ARHGAP44: variants seen among roughly 807,000 people sequenced by gnomAD.
ARHGAP44 encodes the protein rho GTPase-activating protein 44.
A neutral mutation model predicts 106.8 loss-of-function variants in ARHGAP44; 43 were observed. The ratio of observed to expected loss-of-function variants is 0.40; its 90% CI spans 0.32 to 0.52. ARHGAP44 has a LOEUF of 0.52. ARHGAP44 is among the 20% of genes least tolerant of loss of function. ARHGAP44 has a pLI of 0.48. For missense variants in ARHGAP44, 866 were observed against 1,050.5 expected (o/e 0.82, Z 2.43); for synonymous variants, 439 against 410.3 (o/e 1.07, Z -0.85).
At position 12,819,521 on chromosome 17, in the gene ARHGAP44, C is replaced by G. The variant is rs150868971; in HGVS notation, c.53+29630C>G. Among the ~76,000 whole-genome samples, 518 of 151,242 alleles carry G rather than the reference C, an allele frequency of 3.4e-3. 1 individual carries two copies. Among genetic ancestry groups the G allele is most frequent in the African/African-American group, 0.012 (482 of 41,232 alleles). ...CAGTTTCCCAAGGTATTTATATCAT[C>G]TGTACTCCCACCAGTTATGTCCAGT... is the stretch of plus-strand genomic sequence containing the variant. On this transcript the variant is annotated intron_variant, in intron 1 of 20. Coordinates refer to ENST00000379672, the MANE Select transcript of ARHGAP44 (RefSeq NM_014859.6).
At chr17:12,798,266 G>GT (rs2033984939) in intron 1 of ARHGAP44, among the ~76,000 whole-genome samples, 2 of 152,050 alleles carry the variant, frequency 1.3e-5, no homozygotes, top group South Asian at 4.1e-4. Context: ...GGGCATTCAT[G>GT]TCTTATTAAC....
At chr17:12,897,180 C>T (rs894855003) in intron 3 of ARHGAP44, among the ~76,000 whole-genome samples, 3 of 152,148 alleles carry the variant, frequency 2.0e-5, no homozygotes, top group East Asian at 1.9e-4. Context: ...ATTCACTTGG[C>T]TTTATTACAA....
chr17:12,833,999 G>A (rs967107904), intron 1 of ARHGAP44, among the ~76,000 whole-genome samples: 4 of 151,036 alleles, frequency 2.6e-5, no homozygotes, highest in East Asian at 1.9e-4. Context: ...TATCAGTAGC[G>A]CCAAAAGGGA....
At chr17:12,807,694 T>G (rs1445549464) in intron 1 of ARHGAP44, among the ~76,000 whole-genome samples, 1 of 152,174 alleles carries the variant, frequency 6.6e-6, no homozygotes, top group Non-Finnish European at 1.5e-5. Context: ...GGAGCTACAA[T>G]TCAAGATGAG....
chr17:12,988,365 G>T (rs1410117030), intron 20 of ARHGAP44: 1 of 152,214 alleles, frequency 6.6e-6, no homozygotes, highest in Non-Finnish European at 1.5e-5. Flanking sequence ...TCTAAGCAGG[G>T]GAGCTTGGTG....
chr17:12,863,175 T>A (rs561436595), intron 1 of ARHGAP44, among the ~76,000 whole-genome samples: 144 of 151,834 alleles, frequency 9.5e-4, no homozygotes, highest in Middle Eastern at 6.8e-3. Context: ...ATTAAAAAAA[T>A]TTTTTTAAAG....
intron 3 of ARHGAP44, 66 bp from the exon 4 acceptor site, chr17:12,908,831 G>A: frequency 1.5e-6 from 2 of 1,328,338 alleles, no homozygotes; most frequent in Non-Finnish European, 1.1e-6. Flanking sequence ...TTGACTTTTT[G>A]CTATTTTAGA....
chr17:12,930,506 G>C (rs2038368282), intron 7 of ARHGAP44, among the ~76,000 whole-genome samples: 1 of 152,048 alleles, frequency 6.6e-6, no homozygotes, highest in Non-Finnish European at 1.5e-5. Context: ...ACAAAGTGCT[G>C]GGATTACAGG....
chr17:12,818,274 A>G (rs764046677), intron 1 of ARHGAP44, among the ~76,000 whole-genome samples: 1 of 151,368 alleles, frequency 6.6e-6, no homozygotes, highest in Non-Finnish European at 1.5e-5. Flanking sequence ...CATTCATGAT[A>G]AGACATTTTA....
At chr17:12,798,065 A>G (rs909809086) in intron 1 of ARHGAP44, among the ~76,000 whole-genome samples, 2 of 152,164 alleles carry the variant, frequency 1.3e-5, no homozygotes, top group Non-Finnish European at 2.9e-5. Flanking sequence ...GCCTTCATGA[A>G]CTATCTCATT....
chr17:12,983,752 G>A (rs983463630), intron 19 of ARHGAP44, among the ~76,000 whole-genome samples: 2 of 151,682 alleles, frequency 1.3e-5, no homozygotes, highest in African/African-American at 2.4e-5. Flanking sequence ...TGTGGTGAGC[G>A]GCGATCGCGC....
chr17:12,881,915 A>C (rs2036749618), intron 1 of ARHGAP44, among the ~76,000 whole-genome samples: 2 of 152,146 alleles, frequency 1.3e-5, no homozygotes, highest in South Asian at 4.1e-4. Flanking sequence ...GGTCAAGACC[A>C]GTCTTGGCCT....
At position 12,974,190 on chromosome 17, in the gene ARHGAP44, C is replaced by G. The variant is rs777677354; in HGVS notation, c.1643C>G (p.Pro548Arg). The part of the protein sequence containing the change: ...CAPPSMQPPA[P>R]PAELAAPLPS... Reference sequence around the variant, plus strand: ...CCGCCCTCCATGCAGCCTCCCGCCCCGCCCGCCGAGCTGGCTGCGCCCCTG... The same window carrying G: ...CCGCCCTCCATGCAGCCTCCCGCCCGGCCCGCCGAGCTGGCTGCGCCCCTG... Residue 548 changes from proline (P) to arginine (R), a missense_variant, in exon 18 of 21, where the codon CCG (proline) becomes CGG (arginine). Pro to Arg is a moderately radical substitution (Grantham distance 103). Coordinates refer to ENST00000379672, the MANE Select transcript of ARHGAP44 (RefSeq NM_014859.6). 1 of 1,549,208 alleles carries G rather than the reference C, an allele frequency of 6.5e-7. No individual in the cohort carries two copies. The highest frequency in any genetic ancestry group is 8.7e-7 in the Non-Finnish European group (1 of 1,147,034).
In ARHGAP44 at chr17:12,977,281, T is replaced by C. The variant is rs75338982; in HGVS notation, c.1764-2777T>C. ...ATGGGTTTCTCCCAGTACAAACAGG[T>C]GTTCCATTGTTTTTGTTTGTGTTGT... is the stretch of plus-strand genomic sequence containing the variant. On this transcript the variant is annotated intron_variant, in intron 18 of 20. Coordinates refer to ENST00000379672, the MANE Select transcript of ARHGAP44 (RefSeq NM_014859.6). Among the ~76,000 whole-genome samples, 499 of 152,222 alleles carry C rather than the reference T, an allele frequency of 3.3e-3. 4 individuals carry two copies. The highest frequency in any genetic ancestry group is 0.011 in the African/African-American group (474 of 41,536).
intron 1 of ARHGAP44, among the ~76,000 whole-genome samples, chr17:12,806,561 C>T (rs2150772589): frequency 6.6e-6 from 1 of 152,272 alleles, no homozygotes; most frequent in Non-Finnish European, 1.5e-5. Context: ...GATTTGGATT[C>T]CATCTGAGAA....
At chr17:12,925,730 C>T (rs748778582) in intron 6 of ARHGAP44, among the ~76,000 whole-genome samples, 3 of 152,224 alleles carry the variant, frequency 2.0e-5, no homozygotes, top group Non-Finnish European at 1.5e-5. Flanking sequence ...AATGATCCTT[C>T]TGCTCTTCAA....
At chr17:12,879,931 A>C (rs539974152) in intron 1 of ARHGAP44, among the ~76,000 whole-genome samples, 51 of 152,094 alleles carry the variant, frequency 3.4e-4, no homozygotes, top group African/African-American at 1.2e-3. Context: ...ATAAAACAAG[A>C]GAAAATACTA....
chr17:12,912,566 C>T (rs1409047765), intron 4 of ARHGAP44, among the ~76,000 whole-genome samples: 1 of 152,082 alleles, frequency 6.6e-6, no homozygotes, highest in Admixed American at 6.6e-5. Flanking sequence ...AGTTTCTATA[C>T]TGAAAAGGCC....
At chr17:12,903,156 TG>T (rs2037445303) in intron 3 of ARHGAP44, among the ~76,000 whole-genome samples, 9 of 141,538 alleles carry the variant, frequency 6.4e-5, no homozygotes, top group Admixed American at 6.1e-4. Flanking sequence ...TGTGTGTGTG[TG>T]TGTGTGTGTG....
Sources: gnomAD v4.1 joint callset for allele counts (sites outside exome capture counted in the v4.1 genomes callset) on GRCh38, gnomAD v4.1.1 for gene constraint, MANE v1.5 for transcripts, NCBI Gene and HGNC (gene_info 2026-07-23, HGNC 2026-07-21) for gene names.